ABHD17B: variants seen among roughly 807,000 people sequenced by gnomAD.
ABHD17B encodes the protein alpha/beta hydrolase domain-containing protein 17B.
ABHD17B carries 9 observed loss-of-function variants against 26.2 expected under a neutral mutation model. The ratio of observed to expected loss-of-function variants is 0.34; its 90% CI spans 0.21 to 0.60. ABHD17B has a LOEUF of 0.60. Ranked by LOEUF, ABHD17B falls within the 20% of genes least tolerant of loss-of-function variation. The pLI, the probability that ABHD17B is intolerant of heterozygous loss-of-function variation, is 0.80. For synonymous variants in ABHD17B, 127 were observed against 122.3 expected, an observed-to-expected ratio of 1.04 and a Z score of -0.25; for missense variants, 224 against 352.1, an observed-to-expected ratio of 0.64 and a Z score of 2.91.
At chr9:71,864,079 T>C (rs890330588), downstream of ABHD17B, among the ~76,000 whole-genome samples, 2 of 152,144 alleles carry the variant, frequency 1.3e-5, no homozygotes, top group Non-Finnish European at 2.9e-5. Context: ...CCAGATTTTT[T>C]CATCTATACT....
chr9:71,878,220 C>T (rs370303266), intron 1 of ABHD17B, among the ~76,000 whole-genome samples: 7 of 151,520 alleles, frequency 4.6e-5, no homozygotes, highest in African/African-American at 7.3e-5. Context: ...TCATGCCAGA[C>T]GCAGTGGATT....
At chr9:71,884,140 G>A (rs1297527644) in intron 1 of ABHD17B, among the ~76,000 whole-genome samples, 1 of 152,072 alleles carries the variant, frequency 6.6e-6, no homozygotes, top group African/African-American at 2.4e-5. Context: ...CCAACTATCA[G>A]AGAAATCAAA....
chr9:71,899,596 T>C (rs1827073123), intron 1 of ABHD17B, among the ~76,000 whole-genome samples: 1 of 152,152 alleles, frequency 6.6e-6, no homozygotes, highest in Admixed American at 6.5e-5. Context: ...CTGTAGGAAA[T>C]ATAGGAATTG....
intron 3 of ABHD17B, among the ~76,000 whole-genome samples, 192 bp downstream of exon 3, chr9:71,869,891 T>C (rs964304608): frequency 2.0e-5 from 3 of 152,178 alleles, no homozygotes; most frequent in African/African-American, 7.2e-5. Flanking sequence ...GGATTACTAC[T>C]CCTCAAACAT....
intron 1 of ABHD17B, among the ~76,000 whole-genome samples, chr9:71,898,260 G>T (rs1322667936): frequency 2.0e-5 from 3 of 152,020 alleles, no homozygotes; most frequent in African/African-American, 7.3e-5. Context: ...CAAAACGGAG[G>T]GAAAATCCTC....
intron 1 of ABHD17B, among the ~76,000 whole-genome samples, chr9:71,901,630 T>C (rs1408023479): frequency 1.3e-5 from 2 of 152,172 alleles, no homozygotes; most frequent in Non-Finnish European, 2.9e-5. Flanking sequence ...AATCTAAATC[T>C]CTAAGATTTC....
intron 1 of ABHD17B, among the ~76,000 whole-genome samples, chr9:71,901,186 G>T (rs994468727): frequency 1.3e-5 from 2 of 150,402 alleles, no homozygotes; most frequent in African/African-American, 4.9e-5. Flanking sequence ...TTTTTTTTTT[G>T]CATGTATCTG....
chr9:71,906,408 T>C (rs1024764945), intron 1 of ABHD17B, among the ~76,000 whole-genome samples: 14 of 152,252 alleles, frequency 9.2e-5, no homozygotes, highest in African/African-American at 3.4e-4. Flanking sequence ...AGCTGTTGTA[T>C]TGATGGAGAC....
chr9:71,862,540 A>C, downstream of ABHD17B: 1 of 1,578,366 alleles, frequency 6.3e-7, no homozygotes, highest in Non-Finnish European at 8.6e-7. Flanking sequence ...AGATAATGGA[A>C]TACATAGTAC....
chr9:71,884,470 T>C lies in ABHD17B; in HGVS notation c.-3-9387A>G, dbSNP rs547063408. Reference sequence around the variant, plus strand: ...AAGACTGATGACTAGGGATTAAATATAATGGTATTGGGTGAAAAAAGTAAG... The same window carrying C: ...AAGACTGATGACTAGGGATTAAATACAATGGTATTGGGTGAAAAAAGTAAG... On this transcript the variant is annotated intron_variant, in intron 1 of 3. Transcript: ENST00000333421. 3.9e-5 allele frequency among the ~76,000 whole-genome samples: 6 copies of C among 152,258 alleles called. No individual in the cohort carries two copies. The East Asian group carries it at 9.7e-4, about 24-fold the overall frequency.
At chr9:71,871,670 A>C (rs1826118507) in intron 2 of ABHD17B, among the ~76,000 whole-genome samples, 1 of 152,236 alleles carries the variant, frequency 6.6e-6, no homozygotes, top group African/African-American at 2.4e-5. Context: ...CAAGAGTAAC[A>C]ACTGCCTAAC....
intron 1 of ABHD17B, among the ~76,000 whole-genome samples, chr9:71,895,120 C>T (rs1384629012): frequency 6.6e-6 from 1 of 152,148 alleles, no homozygotes; most frequent in Non-Finnish European, 1.5e-5. Flanking sequence ...GTTAGAAAAG[C>T]CAGGCTAGTG....
chr9:71,894,087 C>CAAAAAAAAAAAAAA (rs1180729763), intron 1 of ABHD17B, among the ~76,000 whole-genome samples: 9 of 52,306 alleles, frequency 1.7e-4, no homozygotes, highest in African/African-American at 7.7e-4. Flanking sequence ...GACTCTATCT[C>CAAAAAAAAAAAAAA]AAAAAAAAAA....
rs1316582889 is a variant in ABHD17B, at chr9:71,911,163, TC to T, written c.-534del. ...AGGGGAACGGAGGGGACGAGCACAA[TC>T]CCCACTGAGCCAGGAGTTGGCCACT... On this transcript the variant is annotated 5_prime_UTR_variant, in exon 1 of 4. Coordinates refer to ENST00000333421, the MANE Select transcript of ABHD17B (RefSeq NM_001025780.3). Among the ~76,000 whole-genome samples, 4 of 151,480 alleles carry T rather than the reference TC, an allele frequency of 2.6e-5. No individual in the cohort carries two copies. Among genetic ancestry groups the T allele is most frequent in the Non-Finnish European group, 4.4e-5 (3 of 67,836 alleles).
intron 1 of ABHD17B, among the ~76,000 whole-genome samples, chr9:71,896,705 T>C (rs72739869): frequency 0.048 from 3,538 of 74,314 alleles, 115 homozygotes; most frequent in Admixed American, 0.18. Flanking sequence ...CACACACACA[T>C]ATATATATAT....
intron 1 of ABHD17B, among the ~76,000 whole-genome samples, chr9:71,881,122 C>G (rs572211819): frequency 2.6e-5 from 4 of 152,056 alleles, no homozygotes; most frequent in Non-Finnish European, 5.9e-5. Context: ...GTAATCAAGA[C>G]AGAATGCTAT....
At chr9:71,883,043 T>C (rs1826495916) in intron 1 of ABHD17B, among the ~76,000 whole-genome samples, 1 of 151,852 alleles carries the variant, frequency 6.6e-6, no homozygotes, top group Admixed American at 6.6e-5. Context: ...ACTCAGAGGC[T>C]GAGGCAGGAG....
intron 2 of ABHD17B, among the ~76,000 whole-genome samples, chr9:71,872,129 G>A (rs1331287569): frequency 6.6e-6 from 1 of 152,174 alleles, no homozygotes; most frequent in Non-Finnish European, 1.5e-5. Flanking sequence ...AAAAGATCTT[G>A]GGGATCATTT....
intron 3 of ABHD17B, 125 bp from the exon 4 acceptor site, chr9:71,867,131 T>C: frequency 8.8e-7 from 1 of 1,132,658 alleles, no homozygotes; most frequent in South Asian, 1.6e-5. Flanking sequence ...AAGGTAAGAA[T>C]GTCTCCTGAA....
Sources: gnomAD v4.1 joint callset for allele counts (sites outside exome capture counted in the v4.1 genomes callset) on GRCh38, gnomAD v4.1.1 for gene constraint, MANE v1.5 for transcripts, NCBI Gene and HGNC (gene_info 2026-07-23, HGNC 2026-07-21) for gene names.